ARHGEF11: variants seen among roughly 807,000 people sequenced by gnomAD.
ARHGEF11 encodes Rho guanine exchange factor (GEF) 11.
Under a neutral mutation model 193.7 loss-of-function variants are expected in ARHGEF11, and 55 were observed. The observed-to-expected ratio is 0.28, with a 90% CI of 0.23 to 0.36. ARHGEF11 has a LOEUF of 0.36. Ranked by LOEUF, ARHGEF11 falls within the 10% of genes least tolerant of loss-of-function variation. The pLI, the probability that ARHGEF11 is intolerant of heterozygous loss-of-function variation, is 1.00. For synonymous variants in ARHGEF11, 693 were observed against 768.0 expected (o/e 0.90, Z 1.62); for missense variants, 1,723 against 2,005.6 (o/e 0.86, Z 2.69).
chr1:156,954,957 T>C (rs1412664030), intron 20 of ARHGEF11, 36 bp from the exon 21 acceptor site: 1 of 1,565,464 alleles, frequency 6.4e-7, no homozygotes. Flanking sequence ...AAGTAAACCA[T>C]GAAAAGTCAA....
intron 1 of ARHGEF11, among the ~76,000 whole-genome samples, chr1:157,034,738 A>T (rs75039275): frequency 0.013 from 1,947 of 152,322 alleles, 38 homozygotes; most frequent in African/African-American, 0.044. Context: ...AACAGGATAA[A>T]ACACAAGAAC....
At chr1:156,957,868 A>G (rs1277435016) in intron 17 of ARHGEF11, 53 bp from the exon 18 acceptor site, 3 of 1,596,690 alleles carry the variant, frequency 1.9e-6, no homozygotes, top group East Asian at 4.5e-5. Context: ...GAGGCTGGTC[A>G]CCTGGTTAGA....
intron 1 of ARHGEF11, among the ~76,000 whole-genome samples, chr1:157,041,156 G>C (rs1672697041): frequency 6.6e-6 from 1 of 152,122 alleles, no homozygotes; most frequent in Admixed American, 6.5e-5. Context: ...TTTGCCATGG[G>C]GGAACCAGGC....
Position 156,947,073 on chromosome 1 carries a change from T to C in ARHGEF11, c.2489-58A>G, listed in dbSNP as rs1658275266. 2.5e-6 allele frequency: 4 copies of C among 1,592,384 alleles called. No homozygotes were observed. In the African/African-American group the frequency reaches 4.0e-5, roughly 16 times the overall value. On this transcript the variant is annotated intron_variant, in intron 26 of 40. Coordinates refer to ENST00000368194, the MANE Select transcript of ARHGEF11 (RefSeq NM_198236.3). ...GGGGTTGAGCTCAACTGCCAGAACC[T>C]TTCTGACAGAGAGAAGTGAATCTCT...
Position 156,935,776 on chromosome 1 carries a change from C to G in ARHGEF11, c.*224G>C. ...TCAGCATGCTTAGGAGACATGAGGC[C>G]TTGGAGGGTTGGGCTAAGGGAGGGA... is the stretch of plus-strand genomic sequence containing the variant. On this transcript the variant is annotated 3_prime_UTR_variant, in exon 41 of 41. Coordinates refer to ENST00000368194, the MANE Select transcript of ARHGEF11 (RefSeq NM_198236.3). 1 of 560,272 alleles carries G rather than the reference C, an allele frequency of 1.8e-6. No individual in the cohort carries two copies. Among genetic ancestry groups the G allele is most frequent in the Non-Finnish European group, 3.2e-6 (1 of 315,796 alleles). The allele number at this position is 560,272 out of a possible 1,614,324, so 34.7% of individuals were successfully genotyped here. A position where few individuals can be genotyped will look rare whatever the true frequency, so the allele number is the denominator to read the frequency against.
intron 9 of ARHGEF11, among the ~76,000 whole-genome samples, chr1:156,969,635 C>G (rs746541762): frequency 4.6e-5 from 7 of 152,200 alleles, no homozygotes; most frequent in Non-Finnish European, 1.0e-4. Context: ...TCTCTCACAA[C>G]TAGTTTTGCT....
At chr1:157,038,252 C>T (rs139694576) in intron 1 of ARHGEF11, among the ~76,000 whole-genome samples, 1,944 of 130,246 alleles carry the variant, frequency 0.015, 38 homozygotes, top group African/African-American at 0.053. Flanking sequence ...CATCACACCA[C>T]TTTGTAGTGG....
intron 7 of ARHGEF11, among the ~76,000 whole-genome samples, chr1:156,973,172 T>C (rs1662751913): frequency 6.6e-6 from 1 of 152,192 alleles, no homozygotes. Context: ...CAAGTGATCC[T>C]CTACTTTGGC....
chr1:157,005,282 G>A (rs1280724780), intron 1 of ARHGEF11, among the ~76,000 whole-genome samples: 1 of 152,074 alleles, frequency 6.6e-6, no homozygotes, highest in Non-Finnish European at 1.5e-5. Flanking sequence ...GTGGTCTCAG[G>A]GCTGGCTGCA....
Position 156,963,579 on chromosome 1 carries a change from G to GACC in ARHGEF11, c.978_979insGGT (p.Ser326_Pro327insGly). ...TCTGGGCCAATAATTAAAGGCTTTG[G>GACC]GCTTTGATCTACACCCTGGGGGAGA... On this transcript the variant is annotated inframe_insertion, in exon 12 of 41. Transcript: ENST00000368194. 1 of 1,500,946 alleles carries GACC rather than the reference G, an allele frequency of 6.7e-7. No individual in the cohort carries two copies. The highest frequency in any genetic ancestry group is 8.9e-7 in the Non-Finnish European group (1 of 1,121,312). The allele number at this position is 1,500,946 out of a possible 1,614,324, so 93.0% of individuals were successfully genotyped here. A position where few individuals can be genotyped will look rare whatever the true frequency, so the allele number is the denominator to read the frequency against.
At chr1:156,967,966 G>C (rs1235038952) in intron 11 of ARHGEF11, 21 bp downstream of exon 11, 1 of 1,613,548 alleles carries the variant, frequency 6.2e-7, no homozygotes, top group Admixed American at 1.7e-5. Flanking sequence ...GAAAACTGCA[G>C]GGTGGCTCCA....
At chr1:157,043,858 T>A (rs929560750) in intron 1 of ARHGEF11, among the ~76,000 whole-genome samples, 2 of 152,086 alleles carry the variant, frequency 1.3e-5, no homozygotes, top group African/African-American at 4.8e-5. Flanking sequence ...GCCCCACCAT[T>A]CCATACCAAC....
chr1:156,977,118 A>C, intron 6 of ARHGEF11, 64 bp from the exon 7 acceptor site: 1 of 1,398,338 alleles, frequency 7.2e-7, no homozygotes. Flanking sequence ...GCTCTCTTCT[A>C]TCTGCTGGTT....
chr1:156,971,480 G>A (rs531966683), intron 8 of ARHGEF11, among the ~76,000 whole-genome samples: 1 of 152,344 alleles, frequency 6.6e-6, no homozygotes, highest in South Asian at 2.1e-4. Context: ...TGGAGGGCAA[G>A]AAATAGGCTT....
chr1:156,943,053 G>T (rs1340568146), intron 32 of ARHGEF11, among the ~76,000 whole-genome samples: 1 of 140,500 alleles, frequency 7.1e-6, no homozygotes, highest in Non-Finnish European at 1.5e-5. Context: ...ATGGTGCTTA[G>T]GAGTTATAAA....
chr1:157,013,259 T>TCTCTCACACACACACACA (rs1553228459), intron 1 of ARHGEF11, among the ~76,000 whole-genome samples: 6 of 109,576 alleles, frequency 5.5e-5, no homozygotes, highest in South Asian at 3.4e-4. Context: ...CTCCCCACTA[T>TCTCTCACACACACACACA]CACTCACACA....
rs761285774 is a variant in ARHGEF11, at chr1:156,937,423, G to A, written c.4266C>T (p.Ser1422=). The A allele has an allele frequency of 9.5e-6, 15 of 1,579,688 alleles. No homozygotes were observed. Among genetic ancestry groups the A allele is most frequent in the South Asian group, 1.2e-5 (1 of 84,660 alleles). Residue 1422 remains serine (S), a synonymous_variant, in exon 39 of 41, where the codon AGC becomes AGT. Transcript: ENST00000368194. ...SSTDHSEAPM[S]PPQPDSLPAG... ...CAGGGAGGCTGTCAGGCTGAGGGGG[G>A]CTCATGGGTGCCTCTGAGTGGTCGG... is the stretch of plus-strand genomic sequence containing the variant.
At chr1:156,980,042 G>A (rs1354515406) in intron 4 of ARHGEF11, among the ~76,000 whole-genome samples, 1 of 152,302 alleles carries the variant, frequency 6.6e-6, no homozygotes, top group South Asian at 2.1e-4. Context: ...ACCAGGGCAG[G>A]TTATAGTAGT....
At chr1:156,997,403 G>A (rs1666671836) in intron 1 of ARHGEF11, among the ~76,000 whole-genome samples, 1 of 152,174 alleles carries the variant, frequency 6.6e-6, no homozygotes, top group African/African-American at 2.4e-5. Flanking sequence ...AGCTGTTGAA[G>A]GCTTTCTCGA....
Sources: allele counts gnomAD v4.1 joint callset (sites outside exome capture counted in the v4.1 genomes callset), GRCh38; gene constraint gnomAD v4.1.1; transcripts MANE v1.5; gene names NCBI Gene and HGNC (gene_info 2026-07-23, HGNC 2026-07-21).